Variants in ZSWIM6 observed in about 807,000 individuals in gnomAD.
ZSWIM6 encodes zinc finger SWIM-type containing 6.
A neutral mutation model predicts 113.2 loss-of-function variants in ZSWIM6; 9 were observed. The observed-to-expected ratio is 0.08, with a 90% CI of 0.05 to 0.14. The LOEUF is 0.14. Among genes scored for constraint, ZSWIM6 ranks in the 10% least tolerant of loss-of-function variants. ZSWIM6 has a pLI of 1.00. For missense variants in ZSWIM6, 1,162 were observed against 1,552.2 expected (o/e 0.75, Z 4.22); for synonymous variants, 611 against 606.5 (o/e 1.01, Z -0.11).
At chr5:61,407,717 A>C (rs1183042565) in intron 1 of ZSWIM6, among the ~76,000 whole-genome samples, 2 of 152,244 alleles carry the variant, frequency 1.3e-5, no homozygotes, top group Non-Finnish European at 2.9e-5. Context: ...TGGCTTCTAA[A>C]ATATATAAAA....
At chr5:61,455,019 T>C (rs1295366666) in intron 1 of ZSWIM6, among the ~76,000 whole-genome samples, 2 of 152,060 alleles carry the variant, frequency 1.3e-5, no homozygotes, top group Non-Finnish European at 2.9e-5. Context: ...GGGAGTAGTA[T>C]TGAGAAACCA....
intron 4 of ZSWIM6, among the ~76,000 whole-genome samples, chr5:61,502,689 A>G (rs180991847): frequency 2.4e-4 from 36 of 152,354 alleles, no homozygotes; most frequent in Admixed American, 2.2e-3. Flanking sequence ...ACTGAGGCAC[A>G]TAGCAGGAGG....
Position 61,544,617 on chromosome 5 carries a change from A to G in ZSWIM6, c.*300A>G, listed in dbSNP as rs1366121158. ...ACTGAGTATATGTTGTCAAGTGGCA[A>G]AAGTCCACATAGCTCTCCTGTTTTC... On this transcript the variant is annotated 3_prime_UTR_variant, in exon 14 of 14. Transcript: ENST00000252744. 6.2e-6 allele frequency: 1 copy of G among 161,780 alleles called. No homozygotes were observed. The highest frequency in any genetic ancestry group is 1.3e-5 in the Non-Finnish European group (1 of 74,552). The allele number at this position is 161,780 out of a possible 1,614,324, so 10.0% of individuals were successfully genotyped here.
chr5:61,490,862 A>G lies in ZSWIM6; in HGVS notation c.1110A>G (p.Glu370=). The G allele has an allele frequency of 6.5e-7, 1 of 1,546,346 alleles. No homozygotes were observed. Among genetic ancestry groups the G allele is most frequent in the Non-Finnish European group, 8.7e-7 (1 of 1,145,074 alleles). ...ACTTAGATGAAGAGCAGGTTCAAGA[A>G]CAGGTTAAACTGTTCCTTTCCCAGG... ...CWHLDEEQVQ[E]QVKLFLSQGG... is the part of the protein sequence containing the mutation. Residue 370 remains glutamate, a synonymous_variant, in exon 3 of 14, where the codon GAA becomes GAG. Coordinates refer to ENST00000252744, the MANE Select transcript of ZSWIM6 (RefSeq NM_020928.2).
chr5:61,356,553 T>TA (rs970763508), intron 1 of ZSWIM6, among the ~76,000 whole-genome samples: 2 of 150,658 alleles, frequency 1.3e-5, no homozygotes, highest in African/African-American at 4.9e-5. Context: ...ATATTTACTT[T>TA]AAAAAATCAT....
At chr5:61,445,894 G>A (rs952017975) in intron 1 of ZSWIM6, among the ~76,000 whole-genome samples, 3 of 152,080 alleles carry the variant, frequency 2.0e-5, no homozygotes, top group Non-Finnish European at 4.4e-5. Flanking sequence ...TTTGTTCCTG[G>A]TATGCAAATT....
chr5:61,470,955 G>A (rs566747563), intron 1 of ZSWIM6, among the ~76,000 whole-genome samples: 2 of 152,242 alleles, frequency 1.3e-5, no homozygotes, highest in South Asian at 4.2e-4. Context: ...ACAGTAAGTG[G>A]GGTTCAGATG....
chr5:61,334,125 G>T (rs1281681159), intron 1 of ZSWIM6, among the ~76,000 whole-genome samples: 1 of 152,234 alleles, frequency 6.6e-6, no homozygotes, highest in East Asian at 1.9e-4. Flanking sequence ...GGCGAGAGAA[G>T]GACTTGTGAT....
chr5:61,390,777 A>G (rs770517508), intron 1 of ZSWIM6: 17 of 790,238 alleles, frequency 2.2e-5, no homozygotes, highest in African/African-American at 3.4e-5. Flanking sequence ...GGTGGTGTCA[A>G]TGAACTTAAG....
intron 4 of ZSWIM6, among the ~76,000 whole-genome samples, chr5:61,512,229 C>T (rs555372063): frequency 4.7e-4 from 72 of 152,142 alleles, no homozygotes; most frequent in Non-Finnish European, 9.7e-4. Flanking sequence ...TGTGTGTATA[C>T]CCTTTTGATT....
Position 61,390,662 on chromosome 5 carries a change from C to G in ZSWIM6, c.676+57714C>G, listed in dbSNP as rs950825936. 6 of 824,880 alleles carry G rather than the reference C, an allele frequency of 7.3e-6. No homozygotes were observed. In the African/African-American group the frequency reaches 1.0e-4, roughly 14 times the overall value. 51.1% of individuals were successfully genotyped at this position (824,880 alleles called of 1,614,324 possible). ...ACCCCACCAGCTGCAAAAACTGTTCCTGGCATTAAGCTCCTTCTTCCTTTG... is the reference window on the plus strand; with the variant it reads ...ACCCCACCAGCTGCAAAAACTGTTCGTGGCATTAAGCTCCTTCTTCCTTTG... On this transcript the variant is annotated intron_variant, in intron 1 of 13. Coordinates refer to ENST00000252744, the MANE Select transcript of ZSWIM6 (RefSeq NM_020928.2).
chr5:61,333,369 C>T (rs1395817422), intron 1 of ZSWIM6, among the ~76,000 whole-genome samples: 1 of 151,850 alleles, frequency 6.6e-6, no homozygotes, highest in Non-Finnish European at 1.5e-5. Flanking sequence ...GCGCGGGCCG[C>T]AGACAATGCC....
chr5:61,431,075 A>C (rs557697268), intron 1 of ZSWIM6, among the ~76,000 whole-genome samples: 1 of 152,300 alleles, frequency 6.6e-6, no homozygotes, highest in Admixed American at 6.5e-5. Context: ...TGATTTGCCA[A>C]AATATCATCT....
intron 1 of ZSWIM6, among the ~76,000 whole-genome samples, chr5:61,378,184 A>G (rs1487127581): frequency 6.6e-6 from 1 of 152,242 alleles, no homozygotes; most frequent in Non-Finnish European, 1.5e-5. Context: ...GAAATGAAGA[A>G]TGGCCAAGTT....
At chr5:61,508,157 G>A (rs1016560589) in intron 4 of ZSWIM6, among the ~76,000 whole-genome samples, 7 of 152,138 alleles carry the variant, frequency 4.6e-5, no homozygotes, top group Non-Finnish European at 8.8e-5. Context: ...GGGTTAGTGT[G>A]AAATAAACAT....
chr5:61,443,697 A>C lies in ZSWIM6; in HGVS notation c.677-28984A>C, dbSNP rs545958423. On this transcript the variant is annotated intron_variant, in intron 1 of 13. Transcript: ENST00000252744. ...TTACTCTTTGACAGGTAGGAGACTC[A>C]GTTTCCCAAGCAATAAGATGTAATG... Among the ~76,000 whole-genome samples, 293 of 152,298 alleles carry C rather than the reference A, an allele frequency of 1.9e-3. 2 individuals carry two copies. Among genetic ancestry groups the C allele is most frequent in the African/African-American group, 6.8e-3 (283 of 41,564 alleles).
intron 1 of ZSWIM6, among the ~76,000 whole-genome samples, chr5:61,471,205 C>G (rs1747562346): frequency 1.3e-5 from 2 of 152,202 alleles, no homozygotes; most frequent in African/African-American, 4.8e-5. Flanking sequence ...TGTCAGGTAC[C>G]TGAAATCCTG....
chr5:61,462,987 G>A (rs760882699), intron 1 of ZSWIM6, among the ~76,000 whole-genome samples: 3 of 152,108 alleles, frequency 2.0e-5, no homozygotes, highest in Admixed American at 1.3e-4. Flanking sequence ...GGTGAAAAAT[G>A]TGTTACTAAA....
At chr5:61,429,657 G>A (rs1579992117) in intron 1 of ZSWIM6, among the ~76,000 whole-genome samples, 1 of 152,132 alleles carries the variant, frequency 6.6e-6, no homozygotes, top group Admixed American at 6.6e-5. Context: ...AAGAAAATAG[G>A]GATGAAGATG....
Sources: allele counts gnomAD v4.1 joint callset (sites outside exome capture counted in the v4.1 genomes callset), GRCh38; gene constraint gnomAD v4.1.1; transcripts MANE v1.5; gene names NCBI Gene and HGNC (gene_info 2026-07-23, HGNC 2026-07-21).